POMGNT1: variants seen among roughly 807,000 people sequenced by gnomAD.
The protein encoded by POMGNT1 is protein O-linked mannose N-acetylglucosaminyltransferase 1 (beta 1,2-).
A neutral mutation model predicts 95.6 loss-of-function variants in POMGNT1; 67 were observed. The observed-to-expected ratio is 0.70, with a 90% CI of 0.58 to 0.86. The LOEUF is 0.86. Among genes scored for constraint, POMGNT1 ranks in the 40% least tolerant of loss-of-function variants. POMGNT1 has a pLI of 0.00. For synonymous variants in POMGNT1, 298 were observed against 317.9 expected (o/e 0.94, Z 0.66); for missense variants, 719 against 855.2 (o/e 0.84, Z 1.99).
chr1:46,189,290 C>A lies in POMGNT1; in HGVS notation c.1963G>T (p.Gly655Ter). Residue 655 changes from glycine (G) to a stop codon, truncating the protein, a stop_gained, in exon 22 of 22, where the codon GGA becomes TGA. Coordinates refer to ENST00000371984, the MANE Select transcript of POMGNT1 (RefSeq NM_017739.4). LOFTEE classifies it high-confidence loss of function. Reference sequence around the variant, plus strand: ...AGGTCTCATGTCTGTTCTGGGGCTCCTGGGGCTCCCTCCTCCTTTGGGGGT... The same window carrying A: ...AGGTCTCATGTCTGTTCTGGGGCTCATGGGGCTCCCTCCTCCTTTGGGGGT... ...EPPPKEEGAP[G>*]APEQT 6.2e-7 allele frequency: 1 copy of A among 1,613,730 alleles called. No homozygotes were observed. Among genetic ancestry groups the A allele is most frequent in the Non-Finnish European group, 8.5e-7 (1 of 1,179,928 alleles).
intron 6 of POMGNT1, 71 bp downstream of exon 6, chr1:46,195,740 C>T (rs1010302633): frequency 7.4e-7 from 1 of 1,348,170 alleles, no homozygotes; most frequent in Non-Finnish European, 1.0e-6. Flanking sequence ...ATATGAGGGG[C>T]AGAGAAGCCG....
At chr1:46,202,920 G>GGGGGGGT (rs1658586504), upstream of POMGNT1, among the ~76,000 whole-genome samples, 13 of 64,518 alleles carry the variant, frequency 2.0e-4, no homozygotes, top group Non-Finnish European at 3.1e-4. Flanking sequence ...GGGGGGGGGT[G>GGGGGGGT]GTGTGTGTGT....
In POMGNT1 at chr1:46,197,448, T is replaced by C. The variant is rs1658337553; in HGVS notation, c.120+254A>G. The C allele has an allele frequency of 2.7e-6, 4 of 1,490,768 alleles. No homozygotes were observed. The Admixed American group carries it at 8.5e-5, about 32-fold the overall frequency. The allele number at this position is 1,490,768 out of a possible 1,614,324, so 92.3% of individuals were successfully genotyped here. A position where few individuals can be genotyped will look rare whatever the true frequency, so the allele number is the denominator to read the frequency against. On this transcript the variant is annotated intron_variant, in intron 2 of 21. Transcript: ENST00000371984. Reference sequence around the variant, plus strand: ...TGGCCCTAACTGCCTCACAGGGGTGTGCCTCTCTGCAAAGCCAGCCTGATC... The same window carrying C: ...TGGCCCTAACTGCCTCACAGGGGTGCGCCTCTCTGCAAAGCCAGCCTGATC...
intron 1 of POMGNT1, among the ~76,000 whole-genome samples, chr1:46,215,198 C>T (rs1659027148): frequency 6.8e-6 from 1 of 147,932 alleles, no homozygotes; most frequent in African/African-American, 2.5e-5. Flanking sequence ...TGCACTCTAG[C>T]CTGGGCGACA....
rs545915167 is a variant in POMGNT1 at position 46,220,107 on chromosome 1, G to A, written c.-453C>T. The stretch of plus-strand genomic sequence containing the variant: ...CTTGAGAGCTGTGTGGAAGCCCCCA[G>A]GGGAGAGGCTTCAAGGTGGACCACC... On this transcript the variant is annotated 5_prime_UTR_variant, in exon 1 of 23. Transcript: ENST00000371992. 6.8e-6 allele frequency: 11 copies of A among 1,614,244 alleles called. No homozygotes were observed. The East Asian group carries it at 2.0e-4, about 29-fold the overall frequency.
chr1:46,198,514 C>T, upstream of POMGNT1: 2 of 158,608 alleles, frequency 1.3e-5, no homozygotes, highest in South Asian at 1.7e-4. Flanking sequence ...ACGGGCGGTG[C>T]TTAGGGCGGC....
At chr1:46,219,672 G>A (rs746176897) in intron 1 of POMGNT1, 6 of 1,548,116 alleles carry the variant, frequency 3.9e-6, no homozygotes, top group South Asian at 2.5e-5. Flanking sequence ...CCAGAACTGG[G>A]ACTAATTCCT....
intron 12 of POMGNT1, 35 bp downstream of exon 12, chr1:46,193,270 G>A (rs770585744): frequency 5.0e-6 from 8 of 1,613,864 alleles, no homozygotes; most frequent in East Asian, 2.2e-5. Context: ...GGCAGAGCCA[G>A]GTGTCTGCCC....
At chr1:46,219,991 C>A (rs764431104) in exon 1 of POMGNT1, 2 of 1,614,254 alleles carry the variant, frequency 1.2e-6, no homozygotes, top group South Asian at 2.2e-5. Context: ...CCACCTGGGG[C>A]TCCACGTTCC....
Position 46,193,224 on chromosome 1 carries a change from G to C in POMGNT1, c.1111-9C>G, listed in dbSNP as rs757533535. The C allele has an allele frequency of 2.5e-6, 4 of 1,614,170 alleles. No homozygotes were observed. Among genetic ancestry groups the C allele is most frequent in the Non-Finnish European group, 3.4e-6 (4 of 1,180,040 alleles). ...AGGCTGGCCTTGTAGTGCTGGGAGT[G>C]GGGTGGGAATAGGGCACATGAGCTT... On this transcript the variant is annotated splice_polypyrimidine_tract_variant and intron_variant, in intron 12 of 21. Coordinates refer to ENST00000371984, the MANE Select transcript of POMGNT1 (RefSeq NM_017739.4).
In POMGNT1 at chr1:46,194,293, A is replaced by C. The variant is rs200863680; in HGVS notation, c.860T>G (p.Ile287Ser). Reference protein sequence around the residue: ...SVCSCKDPTPIEFSPDPLPDN... With the variant: ...SVCSCKDPTPSEFSPDPLPDN... The stretch of plus-strand genomic sequence containing the variant: ...ACTCACTGGGTCAGGGCTGAACTCG[A>C]TGGGTGTGGGGTCCTTGCAGCTGCA... The change falls in exon 9 of 22, where the codon ATC becomes AGC. Residue 287 changes from isoleucine to serine, a missense_variant. Physicochemically the swap from Ile to Ser is moderately radical, Grantham distance 142. Coordinates refer to ENST00000371984, the MANE Select transcript of POMGNT1 (RefSeq NM_017739.4). 11 of 1,614,108 alleles carry C rather than the reference A, an allele frequency of 6.8e-6. No individual in the cohort carries two copies. The highest frequency in any genetic ancestry group is 1.7e-5 in the Admixed American group (1 of 60,020).
chr1:46,195,839 G>T lies in POMGNT1; in HGVS notation c.506C>A (p.Pro169His). The change falls in exon 6 of 22, where the codon CCC becomes CAC. Residue 169 changes from proline to histidine, a missense_variant. Coordinates refer to ENST00000371984, the MANE Select transcript of POMGNT1 (RefSeq NM_017739.4). ...GACAGTGCAGATGAGCACTCGGCCG[G>T]GCGCTACCATGTTGAGGAATAGCAC... ...AMVLFLNMVA[P>H]GRVLICTVKD... The T allele has an allele frequency of 6.2e-7, 1 of 1,606,184 alleles. No individual in the cohort carries two copies. The highest frequency in any genetic ancestry group is 8.5e-7 in the Non-Finnish European group (1 of 1,175,842).
intron 13 of POMGNT1, 30 bp downstream of exon 13, chr1:46,193,144 A>G (rs2148190971): frequency 1.2e-6 from 2 of 1,613,902 alleles, no homozygotes; most frequent in East Asian, 4.5e-5. Context: ...CCCCCCTCCC[A>G]GGCCCAAGAG....
At chr1:46,209,222 C>T (rs1013760767) in intron 1 of POMGNT1, among the ~76,000 whole-genome samples, 1 of 152,140 alleles carries the variant, frequency 6.6e-6, no homozygotes, top group Non-Finnish European at 1.5e-5. Flanking sequence ...TGGGGTTGCT[C>T]CATGTTGGTC....
chr1:46,189,013 A>T lies in POMGNT1; in HGVS notation c.*257T>A. On this transcript the variant is annotated 3_prime_UTR_variant, in exon 22 of 22. Coordinates refer to ENST00000371984, the MANE Select transcript of POMGNT1 (RefSeq NM_017739.4). ...GTGAGGGTATTCAAAGGGCAGGATG[A>T]GCTGCTAGGGATCGTAATGATTCCC... 20 of 1,592,878 alleles carry T rather than the reference A, an allele frequency of 1.3e-5. No homozygotes were observed. Among genetic ancestry groups the T allele is most frequent in the Non-Finnish European group, 1.7e-5 (20 of 1,169,416 alleles).
At chr1:46,193,055 A>G in intron 13 of POMGNT1, 97 bp from the exon 14 acceptor site, 2 of 1,602,932 alleles carry the variant, frequency 1.2e-6, no homozygotes, top group South Asian at 2.2e-5. Context: ...CATTACCCCC[A>G]TTTTCCAGAT....
Position 46,194,660 on chromosome 1 carries a change from A to C in POMGNT1, c.653-9T>G. 2 of 1,614,090 alleles carry C rather than the reference A, an allele frequency of 1.2e-6. No individual in the cohort carries two copies. The highest frequency in any genetic ancestry group is 1.7e-6 in the Non-Finnish European group (2 of 1,179,900). On this transcript the variant is annotated splice_polypyrimidine_tract_variant and intron_variant, in intron 7 of 21. Coordinates refer to ENST00000371984, the MANE Select transcript of POMGNT1 (RefSeq NM_017739.4). ...CTCCCCGAAGACAGGACCTGGCAGG[A>C]GGCAGGAATGAGGGCCATGGGGGCC...
At chr1:46,211,755 A>G (rs1038342052) in intron 1 of POMGNT1, among the ~76,000 whole-genome samples, 2 of 152,212 alleles carry the variant, frequency 1.3e-5, no homozygotes, top group East Asian at 1.9e-4. Context: ...AATTTTCTCA[A>G]TGTACAAATA....
chr1:46,208,568 C>T (rs565270230), intron 1 of POMGNT1, among the ~76,000 whole-genome samples: 1 of 152,262 alleles, frequency 6.6e-6, no homozygotes, highest in African/African-American at 2.4e-5. Flanking sequence ...TGAGGGCCGG[C>T]ACGGTGGCTC....
Sources: gnomAD v4.1 joint callset for allele counts (sites outside exome capture counted in the v4.1 genomes callset) on GRCh38, gnomAD v4.1.1 for gene constraint, MANE v1.5 for transcripts, NCBI Gene and HGNC (gene_info 2026-07-23, HGNC 2026-07-21) for gene names.